DENND1A: variants seen among roughly 807,000 people sequenced by gnomAD.
DENND1A encodes DENN domain containing 1A, also known as DENN domain-containing protein 1A.
DENND1A carries 51 observed loss-of-function variants against 113.7 expected under a neutral mutation model. The ratio of observed to expected loss-of-function variants is 0.45; its 90% CI spans 0.36 to 0.57. The LOEUF is 0.57. DENND1A is among the 20% of genes least tolerant of loss of function. The pLI, the probability that DENND1A is intolerant of heterozygous loss-of-function variation, is 0.00. For missense variants in DENND1A, 1,258 were observed against 1,395.9 expected, an observed-to-expected ratio of 0.90 and a Z score of 1.57; for synonymous variants, 565 against 570.8, an observed-to-expected ratio of 0.99 and a Z score of 0.14.
chr9:123,724,600 G>A (rs2067569682), intron 5 of DENND1A, among the ~76,000 whole-genome samples: 1 of 152,118 alleles, frequency 6.6e-6, no homozygotes, highest in African/African-American at 2.4e-5. Flanking sequence ...GCAGACAGGA[G>A]GTGGCAGCAT....
chr9:123,830,627 G>T (rs767620114), intron 2 of DENND1A, among the ~76,000 whole-genome samples: 6 of 152,004 alleles, frequency 3.9e-5, no homozygotes, highest in Non-Finnish European at 7.4e-5. Flanking sequence ...CACTTTGGGA[G>T]GCCGAGGGGG....
At chr9:123,430,633 G>A (rs996780783) in intron 19 of DENND1A, among the ~76,000 whole-genome samples, 1 of 152,172 alleles carries the variant, frequency 6.6e-6, no homozygotes, top group African/African-American at 2.4e-5. Flanking sequence ...GAGAACACAT[G>A]GACACACTGG....
chr9:123,809,742 A>T (rs1836219881), intron 2 of DENND1A, among the ~76,000 whole-genome samples: 1 of 152,250 alleles, frequency 6.6e-6, no homozygotes, highest in Admixed American at 6.5e-5. Flanking sequence ...ATGATCTCGG[A>T]TCACTGCAAC....
intron 12 of DENND1A, among the ~76,000 whole-genome samples, chr9:123,564,637 A>C (rs1336311320): frequency 6.6e-6 from 1 of 152,258 alleles, no homozygotes; most frequent in African/African-American, 2.4e-5. Context: ...TGATGGAAAT[A>C]ATCTGTCTTC....
chr9:123,757,957 G>T (rs1450201787), intron 4 of DENND1A, 135 bp from the exon 5 acceptor site: 8 of 946,294 alleles, frequency 8.5e-6, no homozygotes, highest in Non-Finnish European at 7.1e-6. Flanking sequence ...CATTTCAAGG[G>T]AACAGACTGT....
chr9:123,892,979 C>T (rs1417271865), intron 1 of DENND1A, among the ~76,000 whole-genome samples: 5 of 151,576 alleles, frequency 3.3e-5, no homozygotes, highest in Admixed American at 6.6e-5. Context: ...GAGATGCCGT[C>T]TCAAAAATAA....
At chr9:123,580,368 A>G (rs931231862) in intron 12 of DENND1A, among the ~76,000 whole-genome samples, 3 of 152,062 alleles carry the variant, frequency 2.0e-5, no homozygotes, top group Admixed American at 1.3e-4. Context: ...CCCGACTCCT[A>G]TTTCCCTGTG....
At chr9:123,480,512 G>A (rs992805609) in intron 13 of DENND1A, among the ~76,000 whole-genome samples, 2 of 152,148 alleles carry the variant, frequency 1.3e-5, no homozygotes, top group Non-Finnish European at 2.9e-5. Context: ...GCTTAGAATA[G>A]AATGCCTCTT....
intron 13 of DENND1A, among the ~76,000 whole-genome samples, chr9:123,483,134 G>A (rs933159413): frequency 1.1e-4 from 16 of 152,270 alleles, no homozygotes; most frequent in African/African-American, 3.9e-4. Context: ...GAGTTGACTT[G>A]GATGCAAGAG....
At chr9:123,712,739 G>A (rs1299120735) in intron 5 of DENND1A, among the ~76,000 whole-genome samples, 1 of 152,186 alleles carries the variant, frequency 6.6e-6, no homozygotes, top group Admixed American at 6.5e-5. Flanking sequence ...TAACAAAACA[G>A]GCTAATGTGA....
chr9:123,444,025 T>C (rs932045812), intron 18 of DENND1A, among the ~76,000 whole-genome samples: 9 of 152,068 alleles, frequency 5.9e-5, no homozygotes, highest in Admixed American at 2.0e-4. Context: ...TTATACGTAG[T>C]AGGGAGCTAA....
intron 13 of DENND1A, among the ~76,000 whole-genome samples, chr9:123,506,606 A>C (rs976458497): frequency 4.7e-5 from 7 of 149,278 alleles, no homozygotes; most frequent in Non-Finnish European, 8.9e-5. Context: ...AAAAAAAAAG[A>C]ATTATTACTA....
intron 2 of DENND1A, among the ~76,000 whole-genome samples, chr9:123,831,196 A>C (rs566867885): frequency 6.6e-6 from 1 of 152,294 alleles, no homozygotes; most frequent in East Asian, 1.9e-4. Context: ...TACCATTTAC[A>C]ATAGCAGAGA....
At chr9:123,840,826 C>T (rs1239706812) in intron 2 of DENND1A, among the ~76,000 whole-genome samples, 1 of 152,128 alleles carries the variant, frequency 6.6e-6, no homozygotes, top group Non-Finnish European at 1.5e-5. Flanking sequence ...TAAACAGTCT[C>T]GTGTGACATT....
chr9:123,732,877 G>T, intron 5 of DENND1A, among the ~76,000 whole-genome samples: 1 of 152,146 alleles, frequency 6.6e-6, no homozygotes, highest in East Asian at 1.9e-4. Context: ...GTATAATGGG[G>T]GCCATAGTGC....
chr9:123,695,035 T>C (rs1024259753), intron 5 of DENND1A, among the ~76,000 whole-genome samples: 1 of 152,150 alleles, frequency 6.6e-6, no homozygotes, highest in Non-Finnish European at 1.5e-5. Context: ...AGAGAGAGAC[T>C]GGCCTAGCCT....
At chr9:123,681,159 G>T (rs561859716) in intron 5 of DENND1A, among the ~76,000 whole-genome samples, 173 of 152,216 alleles carry the variant, frequency 1.1e-3, no homozygotes, top group African/African-American at 3.7e-3. Flanking sequence ...ACTCAAGGGG[G>T]CAAGGAGGGG....
intron 20 of DENND1A, among the ~76,000 whole-genome samples, chr9:123,410,482 G>A (rs912605049): frequency 5.9e-5 from 9 of 152,202 alleles, no homozygotes; most frequent in South Asian, 2.1e-4. Context: ...ATGGATCCAC[G>A]GTCACGTGTG....
chr9:123,734,595 AGT>A, intron 5 of DENND1A, among the ~76,000 whole-genome samples: 1 of 152,204 alleles, frequency 6.6e-6, no homozygotes. Flanking sequence ...TGGACTTCAG[AGT>A]CAAACAGAGC....
Sources: gnomAD v4.1 joint callset for allele counts (sites outside exome capture counted in the v4.1 genomes callset) on GRCh38, gnomAD v4.1.1 for gene constraint, MANE v1.5 for transcripts, NCBI Gene and HGNC (gene_info 2026-07-23, HGNC 2026-07-21) for gene names.